ELP1: variants seen among roughly 807,000 people sequenced by gnomAD.
ELP1 encodes elongator complex protein 1.
A neutral mutation model predicts 183.2 loss-of-function variants in ELP1; 131 were observed. The observed-to-expected ratio is 0.72, with a 90% CI of 0.62 to 0.83. ELP1 has a LOEUF of 0.83. Ranked by LOEUF, ELP1 falls within the 40% of genes least tolerant of loss-of-function variation. The pLI, the probability that ELP1 is intolerant of heterozygous loss-of-function variation, is 0.00. For synonymous variants in ELP1, 555 were observed against 569.0 expected (o/e 0.98, Z 0.35); for missense variants, 1,550 against 1,594.9 (o/e 0.97, Z 0.48).
At chr9:108,879,955 T>C (rs1347511687) in intron 32 of ELP1, 97 bp downstream of exon 32, 1 of 822,412 alleles carries the variant, frequency 1.2e-6, no homozygotes, top group African/African-American at 1.7e-5. Flanking sequence ...GGCACAGTAA[T>C]CAGATTGCAG....
At chr9:108,908,491 C>G in intron 12 of ELP1, 87 bp from the exon 13 acceptor site, 1 of 967,762 alleles carries the variant, frequency 1.0e-6, no homozygotes, top group South Asian at 1.3e-5. Flanking sequence ...TTAATGAGTT[C>G]TAGAAGGCAA....
rs772320418 is a variant in ELP1, at chr9:108,919,278, A to G, written c.624T>C (p.Ala208=). The change falls in exon 7 of 37, where the codon GCT becomes GCC. Residue 208 remains alanine (A), a synonymous_variant. Coordinates refer to ENST00000374647, the MANE Select transcript of ELP1 (RefSeq NM_003640.5). ...CTGTTTCTGGGCAAACAACACTCAC[A>G]GCAAAAAACTGTCCATCCCCCCGCC... ...VTWRGDGQFF[A]VSVVCPETGA... is the part of the protein sequence containing the mutation. 1.2e-6 allele frequency: 2 copies of G among 1,613,650 alleles called. No individual in the cohort carries two copies. The highest frequency in any genetic ancestry group is 3.3e-5 in the Admixed American group (2 of 60,010).
At chr9:108,884,470 A>G (rs1052858661) in intron 29 of ELP1, among the ~76,000 whole-genome samples, 2 of 152,170 alleles carry the variant, frequency 1.3e-5, no homozygotes, top group African/African-American at 2.4e-5. Flanking sequence ...ATACACACAC[A>G]ACATTCTGTA....
chr9:108,920,928 A>T (rs1829622842), intron 6 of ELP1, among the ~76,000 whole-genome samples: 1 of 152,102 alleles, frequency 6.6e-6, no homozygotes, highest in African/African-American at 2.4e-5. Flanking sequence ...GATAAGTCTT[A>T]CTCTAGCAGG....
intron 36 of ELP1, among the ~76,000 whole-genome samples, chr9:108,873,829 T>C (rs371870108): frequency 4.6e-5 from 7 of 151,448 alleles, no homozygotes; most frequent in African/African-American, 1.7e-4. Flanking sequence ...GAGACCAGCC[T>C]GGGCAACATA....
At chr9:108,927,171 A>G (rs572786678) in intron 4 of ELP1, among the ~76,000 whole-genome samples, 1 of 152,324 alleles carries the variant, frequency 6.6e-6, no homozygotes, top group African/African-American at 2.4e-5. Flanking sequence ...GCAAAACTTC[A>G]GTCACCAAAA....
intron 14 of ELP1, among the ~76,000 whole-genome samples, 154 bp downstream of exon 14, chr9:108,906,149 A>T (rs943999504): frequency 3.3e-5 from 5 of 152,228 alleles, no homozygotes; most frequent in African/African-American, 7.2e-5. Context: ...GACATGGCTC[A>T]TAACTAGACT....
rs61749202 is a variant in ELP1 at position 108,874,950 on chromosome 9, A to G, written c.3876T>C (p.Thr1292=). ...GATAAGATGCCATGATACTATTTGC[A>G]GTAGAATTGGGACCTAGAACCTGAG... ...SATPVLGPNS[T]ANSIMASYQQ... is the part of the protein sequence containing the mutation. The change falls in exon 36 of 37, where the codon ACT becomes ACC. Residue 1292 remains threonine, a synonymous_variant. Coordinates refer to ENST00000374647, the MANE Select transcript of ELP1 (RefSeq NM_003640.5). 5 of 1,611,790 alleles carry G rather than the reference A, an allele frequency of 3.1e-6. No individual in the cohort carries two copies. The highest frequency in any genetic ancestry group is 1.1e-5 in the South Asian group (1 of 91,036).
intron 36 of ELP1, among the ~76,000 whole-genome samples, chr9:108,873,942 T>C (rs898904576): frequency 6.6e-6 from 1 of 152,130 alleles, no homozygotes; most frequent in African/African-American, 2.4e-5. Flanking sequence ...TGCCATTCTC[T>C]AGACAGAAGA....
intron 12 of ELP1, 76 bp from the exon 13 acceptor site, chr9:108,908,480 A>G: frequency 1.8e-6 from 2 of 1,081,952 alleles, no homozygotes; most frequent in Non-Finnish European, 2.8e-6. Context: ...GGTGTCTGCA[A>G]TTAATGAGTT....
At chr9:108,907,654 T>TA (rs1440533643) in intron 13 of ELP1, among the ~76,000 whole-genome samples, 2 of 152,202 alleles carry the variant, frequency 1.3e-5, no homozygotes, top group Non-Finnish European at 2.9e-5. Flanking sequence ...ATTCTCTAGT[T>TA]ACCAGGTCCA....
At chr9:108,907,937 A>G (rs1829078224) in intron 13 of ELP1, among the ~76,000 whole-genome samples, 1 of 151,566 alleles carries the variant, frequency 6.6e-6, no homozygotes, top group African/African-American at 2.4e-5. Flanking sequence ...GAGCAAAGAC[A>G]GAGGCTGCAT....
chr9:108,928,138 T>C (rs1179748187), intron 3 of ELP1, among the ~76,000 whole-genome samples: 25 of 152,234 alleles, frequency 1.6e-4, no homozygotes, highest in Admixed American at 1.6e-3. Flanking sequence ...ACATCTCATG[T>C]AGCCCATAAA....
At chr9:108,895,028 C>T (rs1045382822) in intron 25 of ELP1, among the ~76,000 whole-genome samples, 36 of 152,126 alleles carry the variant, frequency 2.4e-4, no homozygotes, top group African/African-American at 8.7e-4. Flanking sequence ...AGATGGATTG[C>T]TTCAGCTCAC....
rs751070000 is a variant in ELP1, at chr9:108,878,750, C to T, written c.3573G>A (p.Ala1191=). ...KYSHSNSRIS[A]RSSKNRRKAE... is the part of the protein sequence containing the mutation. ...CTTTTCGGCGATTCTTGGATGATCT[C>T]CTGTTAGAAATTACACAGATATTTT... is the stretch of plus-strand genomic sequence containing the variant. The change falls in exon 34 of 37, where the codon GCG becomes GCA. Residue 1191 remains alanine, a splice_region_variant and synonymous_variant. Transcript: ENST00000374647. 1 of 1,613,970 alleles carries T rather than the reference C, an allele frequency of 6.2e-7. No individual in the cohort carries two copies. The highest frequency in any genetic ancestry group is 1.1e-5 in the South Asian group (1 of 91,076).
chr9:108,926,545 G>T lies in ELP1; in HGVS notation c.444C>A (p.Ile148=). The T allele has an allele frequency of 6.2e-7, 1 of 1,612,968 alleles. No homozygotes were observed. The highest frequency in any genetic ancestry group is 8.5e-7 in the Non-Finnish European group (1 of 1,179,644). Residue 148 remains isoleucine, a synonymous_variant, in exon 5 of 37, where the codon ATC becomes ATA. Transcript: ENST00000374647. ...TACTTTCACCAAAATCATCCTGATG[G>T]ATCTGCTGCTCCAGGATTGGCTCAA... ...KDFEPILEQQ[I]HQDDFGESKF... is the part of the protein sequence containing the mutation.
intron 36 of ELP1, among the ~76,000 whole-genome samples, chr9:108,874,128 T>A (rs1827602199): frequency 6.6e-6 from 1 of 152,106 alleles, no homozygotes; most frequent in Non-Finnish European, 1.5e-5. Context: ...TGAAAAAAAA[T>A]TTCAGAAAGT....
intron 36 of ELP1, 93 bp downstream of exon 36, chr9:108,874,802 C>T (rs1334126508): frequency 1.1e-6 from 1 of 871,642 alleles, no homozygotes; most frequent in Non-Finnish European, 1.9e-6. Context: ...AAATTGTATC[C>T]AATCTCTCCT....
At chr9:108,887,112 G>T (rs1360513183) in intron 29 of ELP1, among the ~76,000 whole-genome samples, 1 of 152,148 alleles carries the variant, frequency 6.6e-6, no homozygotes. Flanking sequence ...AGGAGGCTGA[G>T]GTGGGAGGAT....
Sources: allele counts gnomAD v4.1 joint callset (sites outside exome capture counted in the v4.1 genomes callset), GRCh38; gene constraint gnomAD v4.1.1; transcripts MANE v1.5; gene names NCBI Gene and HGNC (gene_info 2026-07-23, HGNC 2026-07-21).